The following ANKS1B variants were observed in gnomAD, a reference collection of about 807,000 sequenced individuals.
ANKS1B encodes ankyrin repeat and sterile alpha motif domain containing 1B, also known as ankyrin repeat and sterile alpha motif domain-containing protein 1B.
ANKS1B carries 36 observed loss-of-function variants against 148.3 expected under a neutral mutation model. That is an observed-to-expected ratio of 0.24 (90% confidence interval 0.19 to 0.32). The LOEUF is 0.32. Among genes scored for constraint, ANKS1B ranks in the 10% least tolerant of loss-of-function variants. ANKS1B has a pLI of 1.00. For missense variants in ANKS1B, 1,157 were observed against 1,542.6 expected (o/e 0.75, Z 4.19); for synonymous variants, 542 against 560.8 (o/e 0.97, Z 0.47).
intron 2 of ANKS1B, among the ~76,000 whole-genome samples, chr12:99,824,532 A>C (rs956451724): frequency 5.3e-5 from 8 of 151,976 alleles, no homozygotes; most frequent in African/African-American, 1.4e-4. Flanking sequence ...GAAATGATAC[A>C]GATCTGGGAA....
At chr12:99,267,682 A>C (rs753530983) in intron 12 of ANKS1B, among the ~76,000 whole-genome samples, 1 of 152,208 alleles carries the variant, frequency 6.6e-6, no homozygotes, top group Non-Finnish European at 1.5e-5. Flanking sequence ...TATAGTTATA[A>C]AACATACAAC....
At chr12:99,546,217 A>T (rs1193960132) in intron 9 of ANKS1B, among the ~76,000 whole-genome samples, 1 of 152,192 alleles carries the variant, frequency 6.6e-6, no homozygotes, top group African/African-American at 2.4e-5. Context: ...GAAATAGACA[A>T]TAGAAATAAA....
At chr12:99,727,147 A>G (rs2058695928) in intron 8 of ANKS1B, among the ~76,000 whole-genome samples, 1 of 152,150 alleles carries the variant, frequency 6.6e-6, no homozygotes, top group African/African-American at 2.4e-5. Flanking sequence ...CAGGGCAATC[A>G]GGCAAGAGAA....
chr12:98,859,532 T>C (rs2099588271), intron 17 of ANKS1B, among the ~76,000 whole-genome samples: 1 of 152,180 alleles, frequency 6.6e-6, no homozygotes. Flanking sequence ...TGATCAGAAG[T>C]AAATCTATGA....
intron 8 of ANKS1B, among the ~76,000 whole-genome samples, chr12:99,723,681 C>T (rs2058330090): frequency 6.6e-6 from 1 of 152,156 alleles, no homozygotes; most frequent in South Asian, 2.1e-4. Flanking sequence ...CCCTGTACCA[C>T]CCAACTAGGT....
chr12:99,215,354 C>T (rs2083997339), intron 14 of ANKS1B, among the ~76,000 whole-genome samples: 1 of 152,200 alleles, frequency 6.6e-6, no homozygotes, highest in African/African-American at 2.4e-5. Context: ...GGGTCAGATC[C>T]CCCACACAGA....
chr12:99,367,308 A>G (rs2092824210), intron 12 of ANKS1B, among the ~76,000 whole-genome samples: 1 of 152,154 alleles, frequency 6.6e-6, no homozygotes, highest in South Asian at 2.1e-4. Context: ...CACCTAAAAG[A>G]TTGCTTAATC....
intron 14 of ANKS1B, among the ~76,000 whole-genome samples, chr12:99,233,814 C>A (rs2087327978): frequency 6.6e-6 from 1 of 152,032 alleles, no homozygotes; most frequent in Non-Finnish European, 1.5e-5. Context: ...TAGTTGATGA[C>A]CCATAGAGAC....
chr12:98,889,440 C>T (rs749696014), intron 17 of ANKS1B, among the ~76,000 whole-genome samples: 10 of 152,010 alleles, frequency 6.6e-5, no homozygotes, highest in Non-Finnish European at 1.0e-4. Context: ...CTCCACCTCC[C>T]GGGCTCAAGC....
intron 12 of ANKS1B, among the ~76,000 whole-genome samples, chr12:99,392,619 A>G (rs2094112726): frequency 6.6e-6 from 1 of 152,190 alleles, no homozygotes; most frequent in Non-Finnish European, 1.5e-5. Context: ...TTCATGTGGA[A>G]ACAACTTTTT....
At chr12:99,405,456 G>A (rs939355509) in intron 11 of ANKS1B, among the ~76,000 whole-genome samples, 1 of 145,832 alleles carries the variant, frequency 6.9e-6, no homozygotes, top group Admixed American at 6.8e-5. Flanking sequence ...TGTAATCAGT[G>A]TTAAGTTGCC....
chr12:99,385,273 A>T lies in ANKS1B; in HGVS notation c.1756+14358T>A, dbSNP rs529278578. On this transcript the variant is annotated intron_variant, in intron 12 of 26. Transcript: ENST00000683438. ...CATTTGAAGTCAGGAGTTCGAGACCAGCCTGGCCAACATGGCAAAACCCCA... is the reference window on the plus strand; with the variant it reads ...CATTTGAAGTCAGGAGTTCGAGACCTGCCTGGCCAACATGGCAAAACCCCA... Among the ~76,000 whole-genome samples the T allele has an allele frequency of 5.3e-5, 8 of 152,310 alleles. No individual in the cohort carries two copies. The South Asian group carries it at 1.7e-3, about 32-fold the overall frequency.
intron 19 of ANKS1B, among the ~76,000 whole-genome samples, chr12:98,809,873 G>C (rs1370215000): frequency 6.6e-6 from 1 of 152,072 alleles, no homozygotes; most frequent in Non-Finnish European, 1.5e-5. Flanking sequence ...CACAACAACT[G>C]ATCGGAATTA....
At chr12:99,776,394 A>G (rs2063649519) in intron 6 of ANKS1B, among the ~76,000 whole-genome samples, 1 of 152,222 alleles carries the variant, frequency 6.6e-6, no homozygotes, top group Admixed American at 6.5e-5. Context: ...AATTTTAAAG[A>G]TTACAAGTAA....
intron 9 of ANKS1B, among the ~76,000 whole-genome samples, chr12:99,570,205 G>C (rs1351469667): frequency 6.6e-6 from 1 of 152,068 alleles, no homozygotes; most frequent in Admixed American, 6.5e-5. Flanking sequence ...TCATCTGCCA[G>C]CTTGTATAAA....
chr12:98,993,196 C>T (rs1372395863), intron 17 of ANKS1B, among the ~76,000 whole-genome samples: 1 of 152,094 alleles, frequency 6.6e-6, no homozygotes, highest in East Asian at 1.9e-4. Context: ...GAGAGAGAGT[C>T]TCATTCCATT....
chr12:99,952,789 G>A (rs933015470), intron 1 of ANKS1B, among the ~76,000 whole-genome samples: 16 of 152,158 alleles, frequency 1.1e-4, no homozygotes, highest in Non-Finnish European at 1.5e-5. Flanking sequence ...CTCTCTGCAG[G>A]TAGCATTCTT....
intron 9 of ANKS1B, among the ~76,000 whole-genome samples, chr12:99,632,486 G>A (rs1440727613): frequency 6.6e-6 from 1 of 151,764 alleles, no homozygotes; most frequent in East Asian, 2.0e-4. Context: ...GAACTATACA[G>A]CTGCCAGCAT....
intron 19 of ANKS1B, among the ~76,000 whole-genome samples, chr12:98,827,009 T>C (rs771508725): frequency 6.6e-6 from 1 of 152,176 alleles, no homozygotes; most frequent in East Asian, 1.9e-4. Context: ...ATTGAGTAGT[T>C]GAGTGGTGAA....
Sources: allele counts gnomAD v4.1 joint callset (sites outside exome capture counted in the v4.1 genomes callset), GRCh38; gene constraint gnomAD v4.1.1; transcripts MANE v1.5; gene names NCBI Gene and HGNC (gene_info 2026-07-23, HGNC 2026-07-21).